Variants in SCAMP1 observed in about 807,000 individuals in gnomAD.
SCAMP1 encodes the protein secretory carrier-associated membrane protein 1.
In SCAMP1, 15 loss-of-function variants were observed where a neutral mutation model predicts 41.8. That is an observed-to-expected ratio of 0.36 (90% CI 0.24 to 0.55). The LOEUF is 0.55. SCAMP1 is among the 20% of genes least tolerant of loss of function. The pLI, the probability that SCAMP1 is intolerant of heterozygous loss-of-function variation, is 0.86. For synonymous variants in SCAMP1, 135 were observed against 136.8 expected (o/e 0.99, Z 0.09); for missense variants, 341 against 412.6 (o/e 0.83, Z 1.50).
chr5:78,362,022 A>G (rs1213931029), intron 1 of SCAMP1, among the ~76,000 whole-genome samples: 2 of 152,098 alleles, frequency 1.3e-5, no homozygotes, highest in African/African-American at 4.8e-5. Context: ...CATTGTCCCT[A>G]ATGTCACTTA....
chr5:78,422,015 C>G (rs891153970), intron 6 of SCAMP1, 55 bp downstream of exon 6: 1 of 1,417,096 alleles, frequency 7.1e-7, no homozygotes, highest in African/African-American at 1.4e-5. Context: ...GTAAATAATT[C>G]GTAGTATACA....
intron 7 of SCAMP1, among the ~76,000 whole-genome samples, chr5:78,457,599 AG>A (rs1294881089): frequency 2.6e-5 from 4 of 152,206 alleles, no homozygotes; most frequent in African/African-American, 9.7e-5. Flanking sequence ...GCTGTCAGAC[AG>A]GGACATTTAA....
Position 78,393,248 on chromosome 5 carries a change from C to A in SCAMP1, c.135+4334C>A, listed in dbSNP as rs926657838. On this transcript the variant is annotated intron_variant, in intron 2 of 8. Transcript: ENST00000621999. Reference sequence around the variant, plus strand: ...CTGAAGTGCAGTGGCACAGTCGTTGCTCATTGCAGCCCCAAACTCCTGAGC... The same window carrying A: ...CTGAAGTGCAGTGGCACAGTCGTTGATCATTGCAGCCCCAAACTCCTGAGC... Among the ~76,000 whole-genome samples the A allele has an allele frequency of 2.6e-5, 4 of 152,274 alleles. No homozygotes were observed. The East Asian group carries it at 7.7e-4, about 29-fold the overall frequency.
Position 78,404,535 on chromosome 5 carries a change from G to A in SCAMP1, c.136-10985G>A, listed in dbSNP as rs142035267. Among the ~76,000 whole-genome samples the A allele has an allele frequency of 6.0e-3, 879 of 145,576 alleles. 4 individuals are homozygous for A. Among genetic ancestry groups the A allele is most frequent in the African/African-American group, 0.021 (828 of 38,558 alleles). ...CTGTAATTAGGTCTTTAGTTGTGTG[G>A]TGGCAAGGTGTTCAGAAGCACTCTA... On this transcript the variant is annotated intron_variant, in intron 2 of 8. Transcript: ENST00000621999.
At chr5:78,458,207 C>G (rs1753483474) in intron 7 of SCAMP1, among the ~76,000 whole-genome samples, 1 of 152,170 alleles carries the variant, frequency 6.6e-6, no homozygotes, top group African/African-American at 2.4e-5. Context: ...CTTGGCTCCT[C>G]TCCGCATGTT....
intron 2 of SCAMP1, among the ~76,000 whole-genome samples, chr5:78,404,678 T>G (rs1213476033): frequency 1.3e-5 from 2 of 152,112 alleles, no homozygotes; most frequent in Non-Finnish European, 2.9e-5. Context: ...CAGTTGGGTA[T>G]TTCCCTTCCC....
chr5:78,451,564 G>A (rs1316176178), intron 7 of SCAMP1, among the ~76,000 whole-genome samples: 4 of 152,172 alleles, frequency 2.6e-5, no homozygotes, highest in Non-Finnish European at 4.4e-5. Context: ...TGGAATCATA[G>A]TCTACAACCT....
At chr5:78,417,363 G>A (rs1251780318) in intron 4 of SCAMP1, among the ~76,000 whole-genome samples, 1 of 152,142 alleles carries the variant, frequency 6.6e-6, no homozygotes, top group Non-Finnish European at 1.5e-5. Context: ...ATTTATCCTG[G>A]GTCATTTTCT....
At chr5:78,391,770 C>T (rs1473324631) in intron 2 of SCAMP1, among the ~76,000 whole-genome samples, 1 of 152,194 alleles carries the variant, frequency 6.6e-6, no homozygotes, top group East Asian at 1.9e-4. Context: ...CTCAGAAGGC[C>T]GAGGCTGGCG....
At chr5:78,409,433 AC>A (rs1561264427) in intron 2 of SCAMP1, among the ~76,000 whole-genome samples, 1 of 151,688 alleles carries the variant, frequency 6.6e-6, no homozygotes, top group Non-Finnish European at 1.5e-5. Flanking sequence ...ACACACACAC[AC>A]ACACACACAC....
Position 78,437,607 on chromosome 5 carries a change from C to T in SCAMP1, c.633-12326C>T, listed in dbSNP as rs542463936. ...AAGCTTTTTGATGTGCTGCTGGATT[C>T]AGTTTGTCAGTATGTTACTGAGGAT... On this transcript the variant is annotated intron_variant, in intron 6 of 8. Transcript: ENST00000621999. Among the ~76,000 whole-genome samples the T allele has an allele frequency of 2.6e-5, 4 of 152,248 alleles. 1 individual carries two copies. The East Asian group carries it at 7.7e-4, about 29-fold the overall frequency.
At chr5:78,441,398 A>C (rs1450091005) in intron 6 of SCAMP1, among the ~76,000 whole-genome samples, 1 of 152,222 alleles carries the variant, frequency 6.6e-6, no homozygotes, top group African/African-American at 2.4e-5. Context: ...ACTTTATTGA[A>C]GAGTTTAGGG....
At chr5:78,468,838 T>C (rs1753804580) in intron 8 of SCAMP1, among the ~76,000 whole-genome samples, 2 of 152,132 alleles carry the variant, frequency 1.3e-5, no homozygotes, top group African/African-American at 2.4e-5. Context: ...TGGTAAATGC[T>C]TTGTGAAGAT....
intron 6 of SCAMP1, among the ~76,000 whole-genome samples, chr5:78,437,526 C>T (rs968450780): frequency 2.1e-4 from 32 of 152,252 alleles, no homozygotes; most frequent in Middle Eastern, 3.4e-3. Flanking sequence ...TATTGATTTG[C>T]GCATGTTGAA....
At chr5:78,438,076 T>G (rs1041614427) in intron 6 of SCAMP1, among the ~76,000 whole-genome samples, 1 of 152,224 alleles carries the variant, frequency 6.6e-6, no homozygotes, top group Non-Finnish European at 1.5e-5. Context: ...TTATCATTTT[T>G]TATTGCATCT....
chr5:78,422,241 C>T (rs1752355212), intron 6 of SCAMP1, among the ~76,000 whole-genome samples: 1 of 150,970 alleles, frequency 6.6e-6, no homozygotes, highest in African/African-American at 2.4e-5. Context: ...TATTCTCTTC[C>T]ATATGTTATA....
chr5:78,426,151 TTCCA>T (rs1561271113), intron 6 of SCAMP1, among the ~76,000 whole-genome samples: 2 of 152,230 alleles, frequency 1.3e-5, no homozygotes, highest in South Asian at 4.1e-4. Context: ...CTACATAGTA[TTCCA>T]TGGTGTATAT....
intron 8 of SCAMP1, among the ~76,000 whole-genome samples, chr5:78,460,136 CTTTA>C (rs961246898): frequency 4.6e-5 from 7 of 152,138 alleles, no homozygotes; most frequent in Admixed American, 1.3e-4. Flanking sequence ...ATCACATTTT[CTTTA>C]TTCAGTCTAC....
intron 2 of SCAMP1, among the ~76,000 whole-genome samples, chr5:78,412,842 C>CT: frequency 6.6e-6 from 1 of 152,220 alleles, no homozygotes; most frequent in East Asian, 1.9e-4. Context: ...CATGATTTGA[C>CT]TTTTTACTTT....
Sources: allele counts gnomAD v4.1 joint callset (sites outside exome capture counted in the v4.1 genomes callset), GRCh38; gene constraint gnomAD v4.1.1; transcripts MANE v1.5; gene names NCBI Gene and HGNC (gene_info 2026-07-23, HGNC 2026-07-21).